FAM167A: variants seen among roughly 807,000 people sequenced by gnomAD.
FAM167A encodes family with sequence similarity 167 member A, also known as protein FAM167A.
In FAM167A, 23 loss-of-function variants were observed where a neutral mutation model predicts 14.9. That is an observed-to-expected ratio of 1.55 (90% CI 1.11 to 2.19). The LOEUF is 2.19. Among genes scored for constraint, FAM167A ranks in the 30% most tolerant of loss-of-function variants. FAM167A has a pLI of 0.00. For synonymous variants in FAM167A, 174 were observed against 117.7 expected (o/e 1.48, Z -3.10); for missense variants, 401 against 281.5 (o/e 1.42, Z -3.04).
chr8:11,438,028 TCTC>T (rs1212441140), intron 2 of FAM167A: 2 of 383,174 alleles, frequency 5.2e-6, no homozygotes, highest in East Asian at 7.5e-5. Flanking sequence ...GTGCCTGTCT[TCTC>T]CTTCGAAGGG....
chr8:11,472,609 C>A (rs1807995654), intron 1 of FAM167A, among the ~76,000 whole-genome samples: 1 of 151,968 alleles, frequency 6.6e-6, no homozygotes, highest in Non-Finnish European at 1.5e-5. Context: ...AGACCGGAAA[C>A]CCTGATGGGC....
chr8:11,440,373 C>T (rs753283978), intron 2 of FAM167A, among the ~76,000 whole-genome samples: 2 of 152,214 alleles, frequency 1.3e-5, no homozygotes, highest in Non-Finnish European at 2.9e-5. Context: ...TTGCTGATCC[C>T]TGGGGGGCGT....
chr8:11,463,485 G>T (rs1016720737), intron 1 of FAM167A, among the ~76,000 whole-genome samples: 11 of 152,312 alleles, frequency 7.2e-5, no homozygotes, highest in Non-Finnish European at 1.3e-4. Flanking sequence ...GCTCGCAGAG[G>T]CTCCGCTGGC....
intron 1 of FAM167A, among the ~76,000 whole-genome samples, chr8:11,455,570 CTTTGAGTTTGAGTG>C (rs1807215056): frequency 8.0e-6 from 1 of 124,914 alleles, no homozygotes; most frequent in Non-Finnish European, 1.6e-5. Flanking sequence ...GGTTGCCTTG[CTTTGAGTTTGAGTG>C]TGGGATGGTT....
chr8:11,436,810 C>T (rs1023525613), intron 2 of FAM167A, among the ~76,000 whole-genome samples: 9 of 152,146 alleles, frequency 5.9e-5, no homozygotes, highest in African/African-American at 1.2e-4. Context: ...ACAGATGTAG[C>T]GGGAGCTTCA....
At chr8:11,430,259 A>G (rs1202712482) in intron 2 of FAM167A, among the ~76,000 whole-genome samples, 1 of 152,202 alleles carries the variant, frequency 6.6e-6, no homozygotes, top group Non-Finnish European at 1.5e-5. Context: ...AAGGGAAGAG[A>G]TGTCATTGGT....
Position 11,448,195 on chromosome 8 carries a change from A to T in FAM167A, c.-397-3387T>A, listed in dbSNP as rs988165433. On this transcript the variant is annotated intron_variant, in intron 1 of 2. Transcript: ENST00000284486. ...GGCGACAGGGCGAGACTCTGTCTTAAAAAAAAAAAAAAAAAAAGTTCTAAG... is the reference window on the plus strand; with the variant it reads ...GGCGACAGGGCGAGACTCTGTCTTATAAAAAAAAAAAAAAAAAGTTCTAAG... Among the ~76,000 whole-genome samples the T allele has an allele frequency of 4.3e-4, 16 of 37,440 alleles. 1 individual carries two copies. The South Asian group carries it at 7.6e-3, about 18-fold the overall frequency. The allele number at this position is 37,440 out of a possible 152,430, so 24.6% of individuals were successfully genotyped here.
At chr8:11,426,796 G>A (rs1354672866) in intron 2 of FAM167A, among the ~76,000 whole-genome samples, 1 of 152,088 alleles carries the variant, frequency 6.6e-6, no homozygotes, top group African/African-American at 2.4e-5. Flanking sequence ...GTTTGTTTAG[G>A]GTAGAGGAAA....
intron 2 of FAM167A, among the ~76,000 whole-genome samples, chr8:11,443,447 TC>T (rs1327488447): frequency 4.6e-5 from 7 of 152,038 alleles, no homozygotes; most frequent in Non-Finnish European, 8.8e-5. Context: ...ACCGAGCTTC[TC>T]CCCAGGCAGG....
At chr8:11,437,503 A>C (rs1192830696) in intron 2 of FAM167A, among the ~76,000 whole-genome samples, 1 of 152,238 alleles carries the variant, frequency 6.6e-6, no homozygotes, top group East Asian at 1.9e-4. Flanking sequence ...AAAGGCACAC[A>C]ACTAGGATAT....
intron 1 of FAM167A, 102 bp from the exon 2 acceptor site, chr8:11,444,910 C>T (rs777013304): frequency 4.8e-5 from 44 of 909,390 alleles, no homozygotes; most frequent in Admixed American, 1.2e-4. Flanking sequence ...TCAGAGTGGA[C>T]TGGTGGCTGC....
chr8:11,437,605 T>C (rs1357089251), intron 2 of FAM167A, among the ~76,000 whole-genome samples: 1 of 151,306 alleles, frequency 6.6e-6, no homozygotes, highest in East Asian at 1.9e-4. Flanking sequence ...TGTATTAGAA[T>C]CACTTGCAGA....
chr8:11,444,515 G>C lies in FAM167A; in HGVS notation c.-104C>G. 6.8e-7 allele frequency: 1 copy of C among 1,478,604 alleles called. No individual in the cohort carries two copies. The highest frequency in any genetic ancestry group is 8.9e-7 in the Non-Finnish European group (1 of 1,121,398). The allele number at this position is 1,478,604 out of a possible 1,614,324, so 91.6% of individuals were successfully genotyped here. ...TCCCGCTCTGGGATGGCCTCATCCAGGTGCCCGAGGGCATTTCCGGGACAG... is the reference window on the plus strand; with the variant it reads ...TCCCGCTCTGGGATGGCCTCATCCACGTGCCCGAGGGCATTTCCGGGACAG... On this transcript the variant is annotated 5_prime_UTR_variant, in exon 2 of 3. Coordinates refer to ENST00000284486, the MANE Select transcript of FAM167A (RefSeq NM_053279.3).
intron 1 of FAM167A, among the ~76,000 whole-genome samples, chr8:11,447,964 G>T (rs995476395): frequency 5.9e-5 from 9 of 152,240 alleles, no homozygotes; most frequent in Non-Finnish European, 1.0e-4. Flanking sequence ...GGGAGGCCGA[G>T]GCGGGTGGAT....
intron 1 of FAM167A, among the ~76,000 whole-genome samples, chr8:11,446,137 C>G (rs993216395): frequency 6.6e-6 from 1 of 151,834 alleles, no homozygotes; most frequent in African/African-American, 2.4e-5. Context: ...ATGAGGGTGG[C>G]AAAAGCTGAA....
At chr8:11,434,257 G>C (rs62491581) in intron 2 of FAM167A, 1 of 152,270 alleles carries the variant, frequency 6.6e-6, no homozygotes, top group Non-Finnish European at 1.5e-5. Flanking sequence ...AGCCGAGGCC[G>C]CACTCACGCT....
At position 11,445,627 on chromosome 8, in the gene FAM167A, G is replaced by A; in HGVS notation, c.-397-819C>T. The A allele has an allele frequency of 4.1e-6, 4 of 985,216 alleles. No homozygotes were observed. In the African/African-American group the frequency reaches 5.2e-5, roughly 13 times the overall value. 61.0% of individuals were successfully genotyped at this position (985,216 alleles called of 1,614,324 possible). ...GATGTGGCCTCCCCATCTCCAGAGAGGAGGCATAAGCCCCAGCTCCTACCC... is the reference window on the plus strand; with the variant it reads ...GATGTGGCCTCCCCATCTCCAGAGAAGAGGCATAAGCCCCAGCTCCTACCC... On this transcript the variant is annotated intron_variant, in intron 1 of 2. Coordinates refer to ENST00000284486, the MANE Select transcript of FAM167A (RefSeq NM_053279.3).
chr8:11,440,928 C>G (rs766232707), intron 2 of FAM167A, among the ~76,000 whole-genome samples: 1 of 152,218 alleles, frequency 6.6e-6, no homozygotes, highest in African/African-American at 2.4e-5. Context: ...TTAAGTTTAA[C>G]GTTTTGACTG....
Position 11,444,524 on chromosome 8 carries a change from G to C in FAM167A, c.-113C>G. 6.8e-7 allele frequency: 1 copy of C among 1,478,888 alleles called. No homozygotes were observed. 91.6% of individuals were successfully genotyped at this position (1,478,888 alleles called of 1,614,324 possible). On this transcript the variant is annotated 5_prime_UTR_variant, in exon 2 of 3. Coordinates refer to ENST00000284486, the MANE Select transcript of FAM167A (RefSeq NM_053279.3). Reference sequence around the variant, plus strand: ...GGGATGGCCTCATCCAGGTGCCCGAGGGCATTTCCGGGACAGGAGCCGGCC... The same window carrying C: ...GGGATGGCCTCATCCAGGTGCCCGACGGCATTTCCGGGACAGGAGCCGGCC...
Sources: gnomAD v4.1 joint callset for allele counts (sites outside exome capture counted in the v4.1 genomes callset) on GRCh38, gnomAD v4.1.1 for gene constraint, MANE v1.5 for transcripts, NCBI Gene and HGNC (gene_info 2026-07-23, HGNC 2026-07-21) for gene names.